MRPL28: variants seen among roughly 807,000 people sequenced by gnomAD.
MRPL28 encodes the protein mitochondrial ribosomal protein L28, also known as large ribosomal subunit protein bL28m.
In MRPL28, 25 loss-of-function variants were observed where a neutral mutation model predicts 26.2. That is an observed-to-expected ratio of 0.95 (90% confidence interval 0.69 to 1.33). The LOEUF (loss-of-function observed/expected upper bound fraction) is 1.33, where lower values mean the gene tolerates loss of function less well. Ranked by LOEUF, MRPL28 falls within the 40% of genes most tolerant of loss-of-function variation. The probability of loss-of-function intolerance (pLI) is 0.00; values close to 1 mark genes in which losing one functional copy is unlikely to be tolerated. For missense variants in MRPL28, 432 were observed against 327.2 expected, an observed-to-expected ratio of 1.32 and a Z score of -2.47; for synonymous variants, 227 against 140.1, an observed-to-expected ratio of 1.62 and a Z score of -4.38.
Position 369,146 on chromosome 16 carries a change from C to T in MRPL28, c.363G>A (p.Lys121=). ...GCATGGTCACAGTCACTGTGAACTT[C>T]TTGTCCAGGATCTCACTGTAGAACT... is the stretch of plus-strand genomic sequence containing the variant. ...EREFYSEILD[K]KFTVTVTMRT... The change falls in exon 3 of 6, where the codon AAG becomes AAA. Residue 121 remains lysine (K), a synonymous_variant. Transcript: ENST00000199706. The T allele has an allele frequency of 6.2e-7, 1 of 1,614,078 alleles. No individual in the cohort carries two copies. The highest frequency in any genetic ancestry group is 8.5e-7 in the Non-Finnish European group (1 of 1,179,960).
Position 370,265 on chromosome 16 carries a change from C to CCCGGCCCCCGG in MRPL28, c.-7-41_-7-40insCCGGGGGCCGG, listed in dbSNP as rs763236717. 1.4e-5 allele frequency: 21 copies of CCCGGCCCCCGG among 1,498,068 alleles called. 5 individuals are homozygous for CCCGGCCCCCGG. In the African/African-American group the frequency reaches 2.2e-4, roughly 16 times the overall value. 92.8% of individuals were successfully genotyped at this position (1,498,068 alleles called of 1,614,324 possible). A position where few individuals can be genotyped will look rare whatever the true frequency, so the allele number is the denominator to read the frequency against. ...GGGCTCGCAGTCAGTCGCAGCCTGG[C>CCCGGCCCCCGG]CAGGCCCCCGGCACTCACCCCCTAC... On this transcript the variant is annotated intron_variant, in intron 1 of 5. Coordinates refer to ENST00000199706, the MANE Select transcript of MRPL28 (RefSeq NM_006428.5).
chr16:369,635 C>A (rs571245247), intron 2 of MRPL28: 5 of 717,588 alleles, frequency 7.0e-6, no homozygotes, highest in South Asian at 4.5e-5. Context: ...CTGCTCGCCT[C>A]TCCCACCTGC....
At position 369,217 on chromosome 16, in the gene MRPL28, A is replaced by G. The variant is rs753883925; in HGVS notation, c.292T>C (p.Ser98Pro). 6.2e-7 allele frequency: 1 copy of G among 1,613,846 alleles called. No individual in the cohort carries two copies. The highest frequency in any genetic ancestry group is 1.1e-5 in the South Asian group (1 of 91,084). Residue 98 changes from serine to proline, a missense_variant, in exon 3 of 6, where the codon TCC becomes CCC. By Grantham distance (74) the Ser-to-Pro change is moderately conservative. Coordinates refer to ENST00000199706, the MANE Select transcript of MRPL28 (RefSeq NM_006428.5). ...GQIYANNDKL[S>P]KRLKKVWKPQ... ...TTCCACACTTTCTTCAGCCTCTTGGAGAGCTGAGGGTGCAACAGAGCCTCC... is the reference window on the plus strand; with the variant it reads ...TTCCACACTTTCTTCAGCCTCTTGGGGAGCTGAGGGTGCAACAGAGCCTCC...
Position 369,913 on chromosome 16 carries a change from G to A in MRPL28, c.288+18C>T, listed in dbSNP as rs775074949. 11 of 1,597,146 alleles carry A rather than the reference G, an allele frequency of 6.9e-6. No homozygotes were observed. Among genetic ancestry groups the A allele is most frequent in the African/African-American group, 6.7e-5 (5 of 74,836 alleles). Reference sequence around the variant, plus strand: ...CCAAGCCCTGAGAGGAGCCCCTGAAGGCCGCCTGCGGACCCACCTTGTCGT... The same window carrying A: ...CCAAGCCCTGAGAGGAGCCCCTGAAAGCCGCCTGCGGACCCACCTTGTCGT... On this transcript the variant is annotated intron_variant, in intron 2 of 5. Coordinates refer to ENST00000199706, the MANE Select transcript of MRPL28 (RefSeq NM_006428.5).
chr16:369,153 A>C lies in MRPL28; in HGVS notation c.356T>G (p.Leu119Arg). 3 of 1,614,066 alleles carry C rather than the reference A, an allele frequency of 1.9e-6. No individual in the cohort carries two copies. The highest frequency in any genetic ancestry group is 2.5e-6 in the Non-Finnish European group (3 of 1,179,962). ...CACAGTCACTGTGAACTTCTTGTCCAGGATCTCACTGTAGAACTCTCGCTC... is the reference window on the plus strand; with the variant it reads ...CACAGTCACTGTGAACTTCTTGTCCCGGATCTCACTGTAGAACTCTCGCTC... Reference protein sequence around the residue: ...LFEREFYSEILDKKFTVTVTM... With the variant: ...LFEREFYSEIRDKKFTVTVTM... The change falls in exon 3 of 6, where the codon CTG becomes CGG. Residue 119 changes from leucine to arginine, a missense_variant. By Grantham distance (102) the Leu-to-Arg change is moderately radical (BLOSUM62 -2). Coordinates refer to ENST00000199706, the MANE Select transcript of MRPL28 (RefSeq NM_006428.5).
chr16:368,784 G>T (rs1163766414), intron 3 of MRPL28, 149 bp from the exon 4 acceptor site: 4 of 1,282,364 alleles, frequency 3.1e-6, no homozygotes, highest in Non-Finnish European at 4.2e-6. Flanking sequence ...CCCAGCCTGG[G>T]GGGTGGGATC....
intron 4 of MRPL28, 34 bp from the exon 5 acceptor site, chr16:368,448 C>T (rs1217692855): frequency 1.2e-6 from 2 of 1,613,306 alleles, no homozygotes; most frequent in African/African-American, 1.3e-5. Flanking sequence ...GCAGTGAGGC[C>T]CAGGGCCGGG....
At chr16:369,715 C>T (rs1441961071) in intron 2 of MRPL28, 1 of 757,076 alleles carries the variant, frequency 1.3e-6, no homozygotes, top group Admixed American at 2.1e-5. Context: ...TGGTTGCTCC[C>T]CCGGCCTGAG....
chr16:369,599 A>G, intron 2 of MRPL28: 1 of 615,096 alleles, frequency 1.6e-6, no homozygotes, highest in Non-Finnish European at 3.1e-6. Flanking sequence ...GCAGCCTCGA[A>G]GCTCTGCTCG....
Position 368,361 on chromosome 16 carries a change from C to T in MRPL28, c.630G>A (p.Glu210=), listed in dbSNP as rs139298768. 101 of 1,613,674 alleles carry T rather than the reference C, an allele frequency of 6.3e-5. No individual in the cohort carries two copies. Among genetic ancestry groups the T allele is most frequent in the African/African-American group, 2.8e-4 (21 of 75,056 alleles). ...EAEWVGLTLE[E]AIEKQRLLEE... ...CCAAAAGTCTCTGCTTCTCAATGGC[C>T]TCCTCCAGCGTGAGGCCCACCCACT... is the stretch of plus-strand genomic sequence containing the variant. Residue 210 remains glutamate (E), a synonymous_variant, in exon 5 of 6, where the codon GAG becomes GAA. Coordinates refer to ENST00000199706, the MANE Select transcript of MRPL28 (RefSeq NM_006428.5).
rs1405302171 is a variant in MRPL28, at chr16:370,203, A to C, written c.16T>G (p.Tyr6Asp). 1 of 1,594,460 alleles carries C rather than the reference A, an allele frequency of 6.3e-7. No individual in the cohort carries two copies. The highest frequency in any genetic ancestry group is 8.5e-7 in the Non-Finnish European group (1 of 1,175,896). The change falls in exon 2 of 6, where the codon TAT (tyrosine) becomes GAT (aspartate). Residue 6 changes from tyrosine (Y) to aspartate (D), a missense_variant. Physicochemically the swap from Tyr to Asp is radical, Grantham distance 160 (BLOSUM62 -3). Transcript: ENST00000199706. Reference sequence around the variant, plus strand: ...AGCCGCTTCCAGAGCCACACGGGATACTTGTGTAGAGGCATCGCGAGCCTG... The same window carrying C: ...AGCCGCTTCCAGAGCCACACGGGATCCTTGTGTAGAGGCATCGCGAGCCTG... MPLHK[Y>D]PVWLWKRLQL...
At position 368,337 on chromosome 16, in the gene MRPL28, C is replaced by T. The variant is rs932560998; in HGVS notation, c.654G>A (p.Leu218=). ...LEEAIEKQRL[L]EEKDPVPLFK... ...GTGCTCACACACTCACCTTCTCCTC[C>T]AAAAGTCTCTGCTTCTCAATGGCCT... The change falls in exon 5 of 6, where the codon TTG becomes TTA. Residue 218 remains leucine (L), a synonymous_variant. Coordinates refer to ENST00000199706, the MANE Select transcript of MRPL28 (RefSeq NM_006428.5). 4 of 1,613,592 alleles carry T rather than the reference C, an allele frequency of 2.5e-6. No homozygotes were observed. The highest frequency in any genetic ancestry group is 3.3e-5 in the Admixed American group (2 of 60,018).
chr16:368,207 TCTTCC>T, intron 5 of MRPL28, 116 bp downstream of exon 5: 1 of 1,188,258 alleles, frequency 8.4e-7, no homozygotes, highest in South Asian at 1.3e-5. Context: ...GAGCAGCAGC[TCTTCC>T]CCAAGCCCAC....
intron 2 of MRPL28, chr16:369,489 CAT>C (rs1268378120): frequency 4.7e-6 from 3 of 633,862 alleles, no homozygotes; most frequent in South Asian, 1.8e-5. Flanking sequence ...GTTTCAGAAA[CAT>C]GTGCGACCCC....
In MRPL28 at chr16:368,341, A is replaced by G; in HGVS notation, c.650T>C (p.Leu217Pro). 6.2e-7 allele frequency: 1 copy of G among 1,613,608 alleles called. No individual in the cohort carries two copies. The highest frequency in any genetic ancestry group is 2.2e-5 in the East Asian group (1 of 44,882). ...TCACACACTCACCTTCTCCTCCAAA[A>G]GTCTCTGCTTCTCAATGGCCTCCTC... ...TLEEAIEKQRLLEEKDPVPLF... is the reference protein window; with the variant it reads ...TLEEAIEKQRPLEEKDPVPLF... Residue 217 changes from leucine (L) to proline (P), a missense_variant, in exon 5 of 6, where the codon CTT becomes CCT. Leu to Pro is a moderately conservative substitution (Grantham distance 98). Transcript: ENST00000199706.
At chr16:367,961 A>T (rs541076576) in intron 5 of MRPL28, among the ~76,000 whole-genome samples, 179 bp from the exon 6 acceptor site, 84 of 152,194 alleles carry the variant, frequency 5.5e-4, no homozygotes, top group Middle Eastern at 3.4e-3. Flanking sequence ...GCACACACAT[A>T]CCCCTGTCCC....
rs1218052622 is a variant in MRPL28 at position 367,460 on chromosome 16, G to T, written c.*215C>A. The stretch of plus-strand genomic sequence containing the variant: ...CAAGGAACACTGCCGCAAACGTCGG[G>T]GCCCAGCCTGAGAGGAGCCTCTGGG... On this transcript the variant is annotated 3_prime_UTR_variant, in exon 6 of 6. Transcript: ENST00000199706. 1.4e-6 allele frequency: 1 copy of T among 715,490 alleles called. No homozygotes were observed. Among genetic ancestry groups the T allele is most frequent in the Non-Finnish European group, 2.6e-6 (1 of 383,974 alleles). The allele number at this position is 715,490 out of a possible 1,614,324, so 44.3% of individuals were successfully genotyped here.
At chr16:368,186 T>A in intron 5 of MRPL28, 142 bp downstream of exon 5, 1 of 958,654 alleles carries the variant, frequency 1.0e-6, no homozygotes, top group Admixed American at 2.0e-5. Flanking sequence ...CTCCTCTGGG[T>A]GGGCAATGCA....
chr16:368,176 C>G, intron 5 of MRPL28, 152 bp downstream of exon 5: 1 of 890,866 alleles, frequency 1.1e-6, no homozygotes, highest in Admixed American at 2.2e-5. Context: ...GCGGGCCATG[C>G]TCCTCTGGGT....
Sources: gnomAD v4.1 joint callset for allele counts (sites outside exome capture counted in the v4.1 genomes callset) on GRCh38, gnomAD v4.1.1 for gene constraint, MANE v1.5 for transcripts, NCBI Gene and HGNC (gene_info 2026-07-23, HGNC 2026-07-21) for gene names.